Variants in PCYOX1 observed in about 807,000 individuals in gnomAD.
PCYOX1 encodes prenylcysteine oxidase 1.
PCYOX1 carries 46 observed loss-of-function variants against 46.4 expected under a neutral mutation model. The ratio of observed to expected loss-of-function variants is 0.99; its 90% CI spans 0.78 to 1.27. The LOEUF (loss-of-function observed/expected upper bound fraction) is 1.27. Among genes scored for constraint, PCYOX1 ranks in the 50% most tolerant of loss-of-function variants. The pLI, the probability that PCYOX1 is intolerant of heterozygous loss-of-function variation, is 0.00. For missense variants in PCYOX1, 658 were observed against 628.3 expected, an observed-to-expected ratio of 1.05 and a Z score of -0.51; for synonymous variants, 220 against 231.8, an observed-to-expected ratio of 0.95 and a Z score of 0.46.
intron 1 of PCYOX1, 179 bp downstream of exon 1, chr2:70,258,455 A>G (rs1284041914): frequency 8.9e-6 from 3 of 337,928 alleles, no homozygotes; most frequent in African/African-American, 7.1e-5. Flanking sequence ...TCTGGTCGGA[A>G]TAGGACTGTG....
intron 5 of PCYOX1, among the ~76,000 whole-genome samples, chr2:70,276,294 C>T (rs1389332043): frequency 6.6e-6 from 1 of 151,614 alleles, no homozygotes; most frequent in Non-Finnish European, 1.5e-5. Context: ...CTCAGCGTCC[C>T]GAGTAGCTGG....
intron 1 of PCYOX1, chr2:70,258,486 T>C (rs1048769723): frequency 4.8e-5 from 10 of 206,568 alleles, no homozygotes; most frequent in Non-Finnish European, 9.7e-5. Flanking sequence ...CGTGGAGAGG[T>C]GCCCACTTGA....
intron 3 of PCYOX1, among the ~76,000 whole-genome samples, chr2:70,264,272 T>G (rs1033282054): frequency 6.6e-6 from 1 of 152,064 alleles, no homozygotes; most frequent in East Asian, 1.9e-4. Context: ...GCCTTGTTTT[T>G]TTTTTTATCT....
chr2:70,271,351 C>A (rs1014736497), intron 3 of PCYOX1, among the ~76,000 whole-genome samples: 5 of 149,546 alleles, frequency 3.3e-5, no homozygotes, highest in African/African-American at 1.2e-4. Context: ...ATAGCTACTG[C>A]GCTCCAAAAT....
intron 3 of PCYOX1, among the ~76,000 whole-genome samples, chr2:70,268,571 G>T (rs895423233): frequency 3.9e-5 from 6 of 152,050 alleles, no homozygotes; most frequent in Non-Finnish European, 1.5e-5. Context: ...GCCAAGGCGG[G>T]CAGATCACCT....
intron 3 of PCYOX1, among the ~76,000 whole-genome samples, chr2:70,267,352 C>T (rs1387472962): frequency 2.0e-5 from 3 of 151,720 alleles, no homozygotes; most frequent in African/African-American, 7.3e-5. Context: ...CGATGGGCGG[C>T]CAGGCAAAGA....
chr2:70,264,736 C>A (rs1463303203), intron 3 of PCYOX1, among the ~76,000 whole-genome samples: 1 of 151,886 alleles, frequency 6.6e-6, no homozygotes. Flanking sequence ...AATTTACGGG[C>A]CGGGCGCGGT....
chr2:70,269,343 T>C (rs2104895482), intron 3 of PCYOX1, among the ~76,000 whole-genome samples: 1 of 150,928 alleles, frequency 6.6e-6, no homozygotes, highest in East Asian at 1.9e-4. Context: ...AATTTTTTTT[T>C]TTTTTTTTTT....
At position 70,261,322 on chromosome 2, in the gene PCYOX1, C is replaced by T. The variant is rs768225174; in HGVS notation, c.430C>T (p.Arg144Cys). The change falls in exon 3 of 6, where the codon CGC (arginine) becomes TGC (cysteine). Residue 144 changes from arginine to cysteine, a missense_variant. Arg to Cys is a radical substitution (Grantham distance 180). Transcript: ENST00000433351. ...FIINVIKLVW[R>C]YGFQSLRMHM... ...AATTAACGTGATTAAATTAGTTTGG[C>T]GCTATGGATTTCAATCCCTCCGTAT... is the stretch of plus-strand genomic sequence containing the variant. The T allele has an allele frequency of 1.4e-5, 22 of 1,611,648 alleles. No homozygotes were observed. Among genetic ancestry groups the T allele is most frequent in the East Asian group, 6.7e-5 (3 of 44,878 alleles).
In PCYOX1 at chr2:70,275,450, A is replaced by ACTTTT. The variant is rs1696656991; in HGVS notation, c.707-64_707-63insCTTTT. The ACTTTT allele has an allele frequency of 4.7e-6, 7 of 1,500,042 alleles. No individual in the cohort carries two copies. In the South Asian group the frequency reaches 8.1e-5, roughly 17 times the overall value. 92.9% of individuals were successfully genotyped at this position (1,500,042 alleles called of 1,614,324 possible). A position where few individuals can be genotyped will look rare whatever the true frequency, so the allele number is the denominator to read the frequency against. ...GAGTAGAACATGTAATTGGGAAGGG[A>ACTTTT]GAGTGGGTAGAGAGCCTCTTACAAA... On this transcript the variant is annotated intron_variant, in intron 4 of 5. Transcript: ENST00000433351.
At position 70,275,583 on chromosome 2, in the gene PCYOX1, C is replaced by G; in HGVS notation, c.776C>G (p.Ser259Ter). Reference protein sequence around the residue: ...AVEGGNKLVCSGLLQASKSNL... With the variant: ...AVEGGNKLVC ...GAAGGTGGCAATAAACTTGTTTGCT[C>G]AGGGCTTCTGCAGGCATCCAAAAGC... The change falls in exon 5 of 6, where the codon TCA becomes TGA. Residue 259 changes from serine (S) to a stop codon, truncating the protein, a stop_gained. Transcript: ENST00000433351. LOFTEE classifies it high-confidence loss of function. 2 of 1,614,036 alleles carry G rather than the reference C, an allele frequency of 1.2e-6. No individual in the cohort carries two copies. Among genetic ancestry groups the G allele is most frequent in the Non-Finnish European group, 1.7e-6 (2 of 1,179,920 alleles).
intron 3 of PCYOX1, among the ~76,000 whole-genome samples, chr2:70,261,628 A>G (rs1018028086): frequency 2.0e-5 from 3 of 152,176 alleles, no homozygotes; most frequent in Non-Finnish European, 4.4e-5. Context: ...GTTGCCAGAT[A>G]CTGTTAGATG....
intron 3 of PCYOX1, among the ~76,000 whole-genome samples, chr2:70,264,479 A>G (rs2104891562): frequency 6.6e-6 from 1 of 151,820 alleles, no homozygotes; most frequent in South Asian, 2.1e-4. Context: ...GGCATGTGCC[A>G]CCATACCCAG....
Position 70,258,256 on chromosome 2 carries a change from G to C in PCYOX1, c.92G>C (p.Arg31Pro), listed in dbSNP as rs779693585. The C allele has an allele frequency of 6.3e-7, 1 of 1,590,572 alleles. No individual in the cohort carries two copies. The highest frequency in any genetic ancestry group is 1.1e-5 in the South Asian group (1 of 90,052). ...SCGCPEGAEL[R>P]APPDKIAIIG... ...GGATGCCCCGAGGGCGCCGAGCTGC[G>C]TGCTCCGCCAGATAAAATCGGTAGG... The change falls in exon 1 of 6, where the codon CGT becomes CCT. Residue 31 changes from arginine to proline, a missense_variant. By Grantham distance (103) the Arg-to-Pro change is moderately radical. Coordinates refer to ENST00000433351, the MANE Select transcript of PCYOX1 (RefSeq NM_016297.4).
chr2:70,258,324 G>T (rs1251577207), intron 1 of PCYOX1, 48 bp downstream of exon 1: 1 of 1,293,328 alleles, frequency 7.7e-7, no homozygotes, highest in South Asian at 1.4e-5. Context: ...CGCGCCCCGC[G>T]CCGGGCGGCC....
rs142794223 is a variant in PCYOX1 at position 70,274,342 on chromosome 2, C to T, written c.495-617C>T. On this transcript the variant is annotated intron_variant, in intron 3 of 5. Coordinates refer to ENST00000433351, the MANE Select transcript of PCYOX1 (RefSeq NM_016297.4). The stretch of plus-strand genomic sequence containing the variant: ...CCTCCTGAATAGCTGGGATTACAGG[C>T]GTGCGCCACCAGGCCCAGCTAATTT... Among the ~76,000 whole-genome samples the T allele has an allele frequency of 5.8e-3, 878 of 151,404 alleles. 11 individuals are homozygous for T. The highest frequency in any genetic ancestry group is 0.02 in the African/African-American group (841 of 41,310).
At chr2:70,273,046 C>T (rs577832875) in intron 3 of PCYOX1, among the ~76,000 whole-genome samples, 2 of 152,124 alleles carry the variant, frequency 1.3e-5, no homozygotes. Flanking sequence ...AATTAGAGTG[C>T]TCTCTGTTTA....
chr2:70,278,244 C>T lies in PCYOX1; in HGVS notation c.*852C>T, dbSNP rs1447113659. On this transcript the variant is annotated 3_prime_UTR_variant, in exon 6 of 6. Transcript: ENST00000433351. ...AGGAGCTTTTAAAAATACTGAGACCCCCCCATAACCAGAGATTCAGATTCA... is the reference window on the plus strand; with the variant it reads ...AGGAGCTTTTAAAAATACTGAGACCTCCCCATAACCAGAGATTCAGATTCA... 2 of 152,646 alleles carry T rather than the reference C, an allele frequency of 1.3e-5. No homozygotes were observed. Among genetic ancestry groups the T allele is most frequent in the East Asian group, 1.9e-4 (1 of 5,190 alleles). 9.5% of individuals were successfully genotyped at this position (152,646 alleles called of 1,614,324 possible).
At chr2:70,276,483 G>C (rs1210161945) in intron 5 of PCYOX1, among the ~76,000 whole-genome samples, 1 of 152,114 alleles carries the variant, frequency 6.6e-6, no homozygotes, top group Non-Finnish European at 1.5e-5. Flanking sequence ...TGAGATTACA[G>C]GTGTGAGCCA....
Sources: allele counts gnomAD v4.1 joint callset (sites outside exome capture counted in the v4.1 genomes callset), GRCh38; gene constraint gnomAD v4.1.1; transcripts MANE v1.5; gene names NCBI Gene and HGNC (gene_info 2026-07-23, HGNC 2026-07-21).